MFSD12: variants seen among roughly 807,000 people sequenced by gnomAD.
MFSD12 encodes major facilitator superfamily domain containing 12, also known as major facilitator superfamily domain-containing protein 12.
In MFSD12, 67 loss-of-function variants were observed where a neutral mutation model predicts 51.2. That is an observed-to-expected ratio of 1.31 (90% confidence interval 1.08 to 1.60). MFSD12 has a LOEUF of 1.60. Ranked by LOEUF, MFSD12 falls within the 40% of genes most tolerant of loss-of-function variation. MFSD12 has a pLI of 0.00. For missense variants in MFSD12, 921 were observed against 673.0 expected (o/e 1.37, Z -4.08); for synonymous variants, 441 against 316.7 (o/e 1.39, Z -4.17).
chr19:3,546,366 CGCCAGCGCCACCCAGGCGGCAAAG>C lies in MFSD12; in HGVS notation c.1059_1082del (p.Phe354_Ala361del). Reference sequence around the variant, plus strand: ...CGTACACGGCCACACCCAGTCCCTCCGCCAGCGCCACCCAGGCGGCAAAGGCCAGGATCACCAGGAGGCCTGAGA... The same window carrying C: ...CGTACACGGCCACACCCAGTCCCTCCGCCAGGATCACCAGGAGGCCTGAGA... On this transcript the variant is annotated inframe_deletion, in exon 7 of 10. Transcript: ENST00000355415. 1 of 1,607,694 alleles carries C rather than the reference CGCCAGCGCCACCCAGGCGGCAAAG, an allele frequency of 6.2e-7. No homozygotes were observed. Among genetic ancestry groups the C allele is most frequent in the Non-Finnish European group, 8.5e-7 (1 of 1,177,810 alleles).
intron 1 of MFSD12, among the ~76,000 whole-genome samples, chr19:3,554,133 G>A (rs1216576325): frequency 6.6e-6 from 1 of 151,290 alleles, no homozygotes; most frequent in Non-Finnish European, 1.5e-5. Context: ...GAGAAAGAAG[G>A]GTAGTGAAAG....
downstream of MFSD12, chr19:3,542,860 A>C (rs766848595): frequency 4.3e-6 from 6 of 1,384,674 alleles, no homozygotes; most frequent in Admixed American, 5.7e-5. Context: ...CCTCCAGGCC[A>C]GGGGGGCTTC....
chr19:3,551,340 T>C lies in MFSD12; in HGVS notation c.299-146A>G. The C allele has an allele frequency of 1.5e-6, 1 of 652,788 alleles. No homozygotes were observed. Among genetic ancestry groups the C allele is most frequent in the Non-Finnish European group, 2.5e-6 (1 of 393,626 alleles). 40.4% of individuals were successfully genotyped at this position (652,788 alleles called of 1,614,324 possible). On this transcript the variant is annotated intron_variant, in intron 1 of 9. Coordinates refer to ENST00000355415, the MANE Select transcript of MFSD12 (RefSeq NM_174983.5). The surrounding 1 kb of genome is among the most constrained non-coding windows in gnomAD (Gnocchi z 4.6). ...ACACAGTCACGCAGGAGCGAGGGTC[T>C]GCAGTCGGGGTCCCCCAGGCTTATG...
In MFSD12 at chr19:3,551,032, G is replaced by A. The variant is rs751413765; in HGVS notation, c.461C>T (p.Pro154Leu). 3.1e-6 allele frequency: 5 copies of A among 1,612,828 alleles called. No homozygotes were observed. The highest frequency in any genetic ancestry group is 1.7e-4 in the Middle Eastern group (1 of 5,956). Residue 154 changes from proline (P) to leucine (L), a missense_variant, in exon 2 of 10, where the codon CCG becomes CTG. By Grantham distance (98) the Pro-to-Leu change is moderately conservative (BLOSUM62 -3). Transcript: ENST00000355415. This position sits in a 1 kb window ranked among gnomAD's most constrained non-coding sequence, Gnocchi z 4.6. ...CTCATGGTCGTTGGTGACGAGCTCC[G>A]GGATGAGGCTGAGGTGGGAGATCTG... Reference protein sequence around the residue: ...STQISHLSLIPELVTNDHEKV... With the variant: ...STQISHLSLILELVTNDHEKV...
chr19:3,544,632 G>A lies in MFSD12; in HGVS notation c.*78C>T, dbSNP rs533937059. On this transcript the variant is annotated 3_prime_UTR_variant, in exon 10 of 10. Transcript: ENST00000355415. ...CAGAGAAGAGTGAGGGGCAGTGGGGGCTTTTCCCCAAGGCCCTGGGGGGCA... is the reference window on the plus strand; with the variant it reads ...CAGAGAAGAGTGAGGGGCAGTGGGGACTTTTCCCCAAGGCCCTGGGGGGCA... 7.8e-5 allele frequency: 118 copies of A among 1,522,046 alleles called. No individual in the cohort carries two copies. In the African/African-American group the frequency reaches 1.4e-3, roughly 19 times the overall value. 94.3% of individuals were successfully genotyped at this position (1,522,046 alleles called of 1,614,324 possible).
intron 2 of MFSD12, among the ~76,000 whole-genome samples, chr19:3,548,831 C>G (rs1236353904): frequency 6.6e-6 from 1 of 152,222 alleles, no homozygotes; most frequent in Non-Finnish European, 1.5e-5. Flanking sequence ...TGGCCCCGGT[C>G]AGATGGGGCC....
chr19:3,552,467 C>CTTTTTT (rs397859575), intron 1 of MFSD12, among the ~76,000 whole-genome samples: 26 of 65,220 alleles, frequency 4.0e-4, no homozygotes, highest in African/African-American at 1.6e-3. Flanking sequence ...CGCGCCCCGC[C>CTTTTTT]TTTTTTTTTT....
In MFSD12 at chr19:3,546,284, T is replaced by A; in HGVS notation, c.1165A>T (p.Met389Leu). The change falls in exon 7 of 10, where the codon ATG (methionine) becomes TTG (leucine). Residue 389 changes from methionine to leucine, a missense_variant. By Grantham distance (15) the Met-to-Leu change is conservative. Coordinates refer to ENST00000355415, the MANE Select transcript of MFSD12 (RefSeq NM_174983.5). ...TGGGGACCGATGAGGTCGGCCGTCA[T>A]GGCCAGCGAGGTGACGAGGATGGTG... ...CATILVTSLA[M>L]TADLIGPHTN... is the part of the protein sequence containing the mutation. 6.2e-7 allele frequency: 1 copy of A among 1,610,668 alleles called. No individual in the cohort carries two copies. The highest frequency in any genetic ancestry group is 8.5e-7 in the Non-Finnish European group (1 of 1,179,168).
rs2031771899 is a variant in MFSD12, at chr19:3,557,187, T to C, written c.217A>G (p.Thr73Ala). The C allele has an allele frequency of 6.4e-7, 1 of 1,558,530 alleles. No homozygotes were observed. The highest frequency in any genetic ancestry group is 1.4e-5 in the African/African-American group (1 of 71,794). The change falls in exon 1 of 10, where the codon ACA (threonine) becomes GCA (alanine). Residue 73 changes from threonine (T) to alanine (A), a missense_variant. Thr to Ala is a moderately conservative substitution (Grantham distance 58). Transcript: ENST00000355415. ...TCGGCCTCGTAGCCCACGAGCGGTG[T>C]GCACAGCCCGTCGGCCACCTGGCCC... is the stretch of plus-strand genomic sequence containing the variant. ...LLGQVADGLC[T>A]PLVGYEADRA... is the part of the protein sequence containing the mutation.
rs930255412 is a variant in MFSD12, at chr19:3,546,284, T to C, written c.1165A>G (p.Met389Val). The change falls in exon 7 of 10, where the codon ATG (methionine) becomes GTG (valine). Residue 389 changes from methionine (M) to valine (V), a missense_variant. By Grantham distance (21) the Met-to-Val change is conservative (BLOSUM62 1). Coordinates refer to ENST00000355415, the MANE Select transcript of MFSD12 (RefSeq NM_174983.5). ...TGGGGACCGATGAGGTCGGCCGTCA[T>C]GGCCAGCGAGGTGACGAGGATGGTG... ...CATILVTSLA[M>V]TADLIGPHTN... 5.0e-6 allele frequency: 8 copies of C among 1,610,668 alleles called. No homozygotes were observed. Among genetic ancestry groups the C allele is most frequent in the East Asian group, 2.2e-5 (1 of 44,790 alleles).
intron 9 of MFSD12, 35 bp downstream of exon 9, chr19:3,544,772 TCA>T: frequency 7.8e-7 from 1 of 1,286,096 alleles, no homozygotes; most frequent in Middle Eastern, 1.9e-4. Context: ...AGAGTGTGGG[TCA>T]GTGTCTGGGG....
At chr19:3,556,722 G>C (rs2031741804) in intron 1 of MFSD12, among the ~76,000 whole-genome samples, 1 of 152,016 alleles carries the variant, frequency 6.6e-6, no homozygotes, top group Non-Finnish European at 1.5e-5. Flanking sequence ...TCAGGCCACG[G>C]AACAGCCAGA....
chr19:3,556,253 C>T (rs1238256888), intron 1 of MFSD12, among the ~76,000 whole-genome samples: 1 of 152,210 alleles, frequency 6.6e-6, no homozygotes, highest in Admixed American at 6.5e-5. Flanking sequence ...GTTGGTCACC[C>T]TAATAGACGA....
chr19:3,541,309 C>T (rs1442791125), downstream of MFSD12, among the ~76,000 whole-genome samples: 1 of 151,866 alleles, frequency 6.6e-6, no homozygotes, highest in Non-Finnish European at 1.5e-5. Flanking sequence ...GCATTCCAGC[C>T]TAGGTGACAA....
chr19:3,543,691 G>C (rs1461637713), downstream of MFSD12: 1 of 1,524,308 alleles, frequency 6.6e-7, no homozygotes, highest in Non-Finnish European at 8.8e-7. Context: ...GTGAGGCTAG[G>C]TGCAGGGTGG....
At chr19:3,538,537 G>A (rs1313198095) in exon 5 of MFSD12, 8 of 384,834 alleles carry the variant, frequency 2.1e-5, no homozygotes, top group Admixed American at 8.9e-5. Flanking sequence ...GGATCACAGC[G>A]TACCCTTCTG....
At chr19:3,542,110 A>C, downstream of MFSD12, 1 of 985,254 alleles carries the variant, frequency 1.0e-6, no homozygotes, top group Non-Finnish European at 1.2e-6. Context: ...GCGCCCAGAC[A>C]ATTTTGTGCT....
chr19:3,557,084 G>C, intron 1 of MFSD12, 22 bp downstream of exon 1: 1 of 1,438,268 alleles, frequency 7.0e-7, no homozygotes, highest in South Asian at 1.5e-5. Context: ...TGCCCGACAG[G>C]TGGCGGGGCC....
rs2031467627 is a variant in MFSD12, at chr19:3,551,333, G to A, written c.299-139C>T. 9 of 680,528 alleles carry A rather than the reference G, an allele frequency of 1.3e-5. No homozygotes were observed. The highest frequency in any genetic ancestry group is 6.1e-5 in the South Asian group (3 of 49,518). The allele number at this position is 680,528 out of a possible 1,614,324, so 42.2% of individuals were successfully genotyped here. ...CGCATGCACACAGTCACGCAGGAGCGAGGGTCTGCAGTCGGGGTCCCCCAG... is the reference window on the plus strand; with the variant it reads ...CGCATGCACACAGTCACGCAGGAGCAAGGGTCTGCAGTCGGGGTCCCCCAG... On this transcript the variant is annotated intron_variant, in intron 1 of 9. Transcript: ENST00000355415. The surrounding 1 kb of genome is among the most constrained non-coding windows in gnomAD (Gnocchi z 4.6).
Sources: allele counts gnomAD v4.1 joint callset (sites outside exome capture counted in the v4.1 genomes callset), GRCh38; gene constraint gnomAD v4.1.1; non-coding constraint Gnocchi (gnomAD v3.1); transcripts MANE v1.5; gene names NCBI Gene and HGNC (gene_info 2026-07-23, HGNC 2026-07-21).